The following NBAS variants were observed in gnomAD, a reference collection of about 807,000 sequenced individuals.
NBAS encodes the protein NBAS subunit of NRZ tethering complex.
A neutral mutation model predicts 302.5 loss-of-function variants in NBAS; 219 were observed. The observed-to-expected ratio is 0.72, with a 90% CI of 0.65 to 0.81. The LOEUF (loss-of-function observed/expected upper bound fraction) is 0.81, where lower values mean the gene tolerates loss of function less well. NBAS is among the 30% of genes least tolerant of loss of function. NBAS has a pLI of 0.00. For synonymous variants in NBAS, 1,118 were observed against 1,021.6 expected, an observed-to-expected ratio of 1.09 and a Z score of -1.80; for missense variants, 2,932 against 2,841.6, an observed-to-expected ratio of 1.03 and a Z score of -0.72.
chr2:14,933,086 G>A, the NBAS span, among the ~76,000 whole-genome samples: 1 of 152,200 alleles, frequency 6.6e-6, no homozygotes, highest in Admixed American at 6.5e-5. Flanking sequence ...AGACTTTCTA[G>A]TATAATCCTC....
At chr2:14,938,044 C>G in the NBAS span, among the ~76,000 whole-genome samples, 1 of 152,284 alleles carries the variant, frequency 6.6e-6, no homozygotes, top group East Asian at 1.9e-4. Flanking sequence ...AGAAGAATCA[C>G]TTGAACCTGG....
chr2:15,202,540 A>G (rs1264803069), intron 48 of NBAS, among the ~76,000 whole-genome samples: 2 of 151,672 alleles, frequency 1.3e-5, no homozygotes, highest in South Asian at 2.1e-4. Context: ...TTATTTATTT[A>G]TTTATTTATT....
At chr2:14,797,117 A>G in the NBAS span, among the ~76,000 whole-genome samples, 9 of 147,506 alleles carry the variant, frequency 6.1e-5, no homozygotes, top group East Asian at 1.8e-3. Context: ...AAAAAAAACC[A>G]AAAACAGACT....
chr2:15,427,637 C>T (rs1677543573), intron 22 of NBAS, 74 bp downstream of exon 22: 4 of 1,248,502 alleles, frequency 3.2e-6, no homozygotes, highest in Non-Finnish European at 1.2e-6. Context: ...ATTGGTCAGA[C>T]ACCACTTTCA....
chr2:15,116,540 C>G, the NBAS span, among the ~76,000 whole-genome samples: 1 of 152,290 alleles, frequency 6.6e-6, no homozygotes, highest in Admixed American at 6.5e-5. Context: ...TTTAAAGGTC[C>G]CATATCCAAA....
At chr2:15,533,689 T>C (rs1260951853) in intron 9 of NBAS, among the ~76,000 whole-genome samples, 2 of 27,624 alleles carry the variant, frequency 7.2e-5, no homozygotes, top group Admixed American at 4.4e-4. Context: ...CGTGTGTGTG[T>C]GTGTGTGTGT....
At chr2:15,087,403 C>T in the NBAS span, among the ~76,000 whole-genome samples, 1 of 152,318 alleles carries the variant, frequency 6.6e-6, no homozygotes, top group East Asian at 1.9e-4. Context: ...ACTGTGGGTT[C>T]CTTGAGCATG....
the NBAS span, among the ~76,000 whole-genome samples, chr2:14,941,020 A>T: frequency 6.6e-6 from 1 of 152,242 alleles, no homozygotes; most frequent in African/African-American, 2.4e-5. Context: ...AAACCACTTG[A>T]TAACTCATTT....
chr2:15,386,365 T>C (rs1675295752), intron 28 of NBAS, among the ~76,000 whole-genome samples: 1 of 152,234 alleles, frequency 6.6e-6, no homozygotes. Flanking sequence ...TACTGCTGGA[T>C]TTTATTTTTA....
the NBAS span, among the ~76,000 whole-genome samples, chr2:15,115,076 G>A: frequency 9.2e-5 from 14 of 152,242 alleles, no homozygotes; most frequent in South Asian, 4.1e-4. Flanking sequence ...TTAAGAAAAT[G>A]TATATTCCTA....
At chr2:15,075,793 A>AG in the NBAS span, among the ~76,000 whole-genome samples, 3 of 152,326 alleles carry the variant, frequency 2.0e-5, no homozygotes, top group Non-Finnish European at 4.4e-5. Context: ...ATATACACAC[A>AG]GAAAAAGCCC....
intron 38 of NBAS, among the ~76,000 whole-genome samples, chr2:15,317,961 T>G (rs184695601): frequency 1.1e-3 from 173 of 151,824 alleles, no homozygotes; most frequent in African/African-American, 4.0e-3. Context: ...TTCACCAAGG[T>G]TGAAATAAAG....
the NBAS span, among the ~76,000 whole-genome samples, chr2:14,953,766 T>G: frequency 6.6e-6 from 1 of 152,104 alleles, no homozygotes; most frequent in East Asian, 1.9e-4. Flanking sequence ...GATTGGGCTG[T>G]GAGAGGAAGA....
chr2:15,305,290 T>C (rs1451837731), intron 40 of NBAS, among the ~76,000 whole-genome samples: 2 of 152,048 alleles, frequency 1.3e-5, no homozygotes, highest in African/African-American at 4.8e-5. Context: ...CCCGCTTTGC[T>C]TGGCATTTCT....
At chr2:15,325,070 C>T (rs1456551543) in intron 38 of NBAS, among the ~76,000 whole-genome samples, 1 of 152,116 alleles carries the variant, frequency 6.6e-6, no homozygotes, top group Admixed American at 6.5e-5. Context: ...AGAGAGTCTA[C>T]TCCAAGAAAG....
At chr2:15,152,103 G>A in the NBAS span, among the ~76,000 whole-genome samples, 2 of 152,158 alleles carry the variant, frequency 1.3e-5, no homozygotes, top group African/African-American at 4.8e-5. Context: ...GCCTGCCTCG[G>A]CCTCCCAAAG....
At chr2:15,315,966 G>T (rs1211040737) in intron 38 of NBAS, among the ~76,000 whole-genome samples, 1 of 152,120 alleles carries the variant, frequency 6.6e-6, no homozygotes, top group South Asian at 2.1e-4. Flanking sequence ...AAGTTTCTTA[G>T]TCTTGGAATC....
intron 35 of NBAS, among the ~76,000 whole-genome samples, chr2:15,350,591 T>C (rs1333783532): frequency 1.3e-5 from 2 of 152,130 alleles, no homozygotes; most frequent in Non-Finnish European, 2.9e-5. Flanking sequence ...CTCCTTTGTC[T>C]CCCAGGATGG....
At chr2:15,292,459 A>T in intron 41 of NBAS, 78 bp downstream of exon 41, 2 of 1,444,636 alleles carry the variant, frequency 1.4e-6, no homozygotes, top group Non-Finnish European at 1.9e-6. Context: ...AAAGGACTGA[A>T]ATTAATAGTC....
Sources: gnomAD v4.1 joint callset for allele counts (sites outside exome capture counted in the v4.1 genomes callset) on GRCh38, gnomAD v4.1.1 for gene constraint, MANE v1.5 for transcripts, NCBI Gene and HGNC (gene_info 2026-07-23, HGNC 2026-07-21) for gene names.